ARHGAP44: variants seen among roughly 807,000 people sequenced by gnomAD.
ARHGAP44 encodes the protein Rho GTPase activating protein 44, also known as rho GTPase-activating protein 44.
A neutral mutation model predicts 106.8 loss-of-function variants in ARHGAP44; 43 were observed. That is an observed-to-expected ratio of 0.40 (90% CI 0.32 to 0.52). The LOEUF (loss-of-function observed/expected upper bound fraction) is 0.52, where lower values mean the gene tolerates loss of function less well. Among genes scored for constraint, ARHGAP44 ranks in the 20% least tolerant of loss-of-function variants. The probability of loss-of-function intolerance (pLI) is 0.48; values close to 1 mark genes in which losing one functional copy is unlikely to be tolerated. For synonymous variants in ARHGAP44, 439 were observed against 410.3 expected, an observed-to-expected ratio of 1.07 and a Z score of -0.85; for missense variants, 866 against 1,050.5, an observed-to-expected ratio of 0.82 and a Z score of 2.43.
At chr17:12,894,833 T>G in intron 1 of ARHGAP44, 107 bp from the exon 2 acceptor site, 1 of 993,820 alleles carries the variant, frequency 1.0e-6, no homozygotes, top group Non-Finnish European at 1.5e-6. Context: ...TTTCTACTAC[T>G]CATGTCTCTG....
intron 1 of ARHGAP44, among the ~76,000 whole-genome samples, chr17:12,861,558 C>T (rs751007132): frequency 1.3e-5 from 2 of 151,866 alleles, no homozygotes; most frequent in Non-Finnish European, 2.9e-5. Flanking sequence ...GCCAGTAGCA[C>T]TGGGTTGTGC....
chr17:12,939,136 C>T (rs954297722), intron 7 of ARHGAP44, among the ~76,000 whole-genome samples: 12 of 152,186 alleles, frequency 7.9e-5, no homozygotes, highest in African/African-American at 2.9e-4. Flanking sequence ...TGATTCCCAC[C>T]TTGGCAGCCT....
intron 18 of ARHGAP44, among the ~76,000 whole-genome samples, chr17:12,976,721 G>T (rs2039693002): frequency 1.3e-5 from 2 of 152,160 alleles, no homozygotes; most frequent in South Asian, 4.1e-4. Flanking sequence ...CCCTGGGCAT[G>T]CTGGGTTGCT....
chr17:12,983,760 C>T (rs950057440), intron 19 of ARHGAP44, among the ~76,000 whole-genome samples: 2 of 152,012 alleles, frequency 1.3e-5, no homozygotes, highest in African/African-American at 2.4e-5. Flanking sequence ...GCGGCGATCG[C>T]GCCATTGCAC....
intron 1 of ARHGAP44, among the ~76,000 whole-genome samples, chr17:12,844,602 G>C (rs953888441): frequency 6.6e-6 from 1 of 152,022 alleles, no homozygotes; most frequent in Admixed American, 6.6e-5. Context: ...CTGTTCTCTG[G>C]TTCTTTAAGA....
chr17:12,986,049 C>T (rs953652982), intron 20 of ARHGAP44: 3 of 152,206 alleles, frequency 2.0e-5, no homozygotes, highest in African/African-American at 4.8e-5. Flanking sequence ...GGTTCAGCTC[C>T]GTGCTGCCTT....
At chr17:12,937,546 G>A (rs2038584055) in intron 7 of ARHGAP44, among the ~76,000 whole-genome samples, 1 of 152,154 alleles carries the variant, frequency 6.6e-6, no homozygotes, top group Non-Finnish European at 1.5e-5. Context: ...TATAATTCTT[G>A]TGTTTGCCTG....
At chr17:12,976,545 G>A (rs138486963) in intron 18 of ARHGAP44, among the ~76,000 whole-genome samples, 1,844 of 151,092 alleles carry the variant, frequency 0.012, 32 homozygotes, top group African/African-American at 0.039. Context: ...CCCAGGAGGC[G>A]GAGGTTGCAG....
chr17:12,936,731 A>G (rs2038560511), intron 7 of ARHGAP44, among the ~76,000 whole-genome samples: 1 of 152,238 alleles, frequency 6.6e-6, no homozygotes, highest in South Asian at 2.1e-4. Context: ...GCCTGATCAT[A>G]TGGTGAGAGT....
In ARHGAP44 at chr17:12,895,210, A is replaced by G. The variant is rs558352189; in HGVS notation, c.93+231A>G. On this transcript the variant is annotated intron_variant, in intron 2 of 20. Coordinates refer to ENST00000379672, the MANE Select transcript of ARHGAP44 (RefSeq NM_014859.6). ...CTAAGCCATCCCTCGATGTGGTTAAAACTGCTCCAGCTGCTCCTTACGAAC... is the reference window on the plus strand; with the variant it reads ...CTAAGCCATCCCTCGATGTGGTTAAGACTGCTCCAGCTGCTCCTTACGAAC... 2.8e-4 allele frequency among the ~76,000 whole-genome samples: 43 copies of G among 152,276 alleles called. No homozygotes were observed. The East Asian group carries it at 2.9e-3, about 10-fold the overall frequency.
chr17:12,896,263 AAAAC>A lies in ARHGAP44; in HGVS notation c.94-132_94-129del, dbSNP rs560070808. ...CCTTAGAACTTAAAGTATAATTTAA[AAAAC>A]AAACAAACAAAAAAACAAAGCTGTC... On this transcript the variant is annotated intron_variant, in intron 2 of 20. Coordinates refer to ENST00000379672, the MANE Select transcript of ARHGAP44 (RefSeq NM_014859.6). 3,368 of 653,748 alleles carry A rather than the reference AAAAC, an allele frequency of 5.2e-3. 13 individuals carry two copies. The highest frequency in any genetic ancestry group is 6.8e-3 in the Non-Finnish European group (2,655 of 391,056). The allele number at this position is 653,748 out of a possible 1,614,324, so 40.5% of individuals were successfully genotyped here.
chr17:12,850,278 A>G (rs2035699887), intron 1 of ARHGAP44, among the ~76,000 whole-genome samples: 1 of 152,220 alleles, frequency 6.6e-6, no homozygotes, highest in African/African-American at 2.4e-5. Context: ...TCAGACTTTC[A>G]TAGTCACAAA....
Position 12,955,013 on chromosome 17 carries a change from T to G in ARHGAP44, c.1137-854T>G, listed in dbSNP as rs370160337. On this transcript the variant is annotated intron_variant, in intron 13 of 20. Transcript: ENST00000379672. ...AAATCCCCTTCCGATAAGCACTCCT[T>G]ATTTTCCCCAACCATGCCCCTAAGC... Among the ~76,000 whole-genome samples, 114 of 152,260 alleles carry G rather than the reference T, an allele frequency of 7.5e-4. 2 individuals carry two copies. The South Asian group carries it at 0.023, about 31-fold the overall frequency.
At chr17:12,851,991 T>C (rs1353853913) in intron 1 of ARHGAP44, among the ~76,000 whole-genome samples, 1 of 151,340 alleles carries the variant, frequency 6.6e-6, no homozygotes, top group African/African-American at 2.4e-5. Flanking sequence ...TTTATTTCGC[T>C]CTGGTTTGAA....
At position 12,937,534 on chromosome 17, in the gene ARHGAP44, G is replaced by A. The variant is rs1050762128; in HGVS notation, c.583-3522G>A. On this transcript the variant is annotated intron_variant, in intron 7 of 20. Coordinates refer to ENST00000379672, the MANE Select transcript of ARHGAP44 (RefSeq NM_014859.6). ...TGCTAGTATCTTTTTACTTCAGTGAGTTATAATTCTTGTGTTTGCCTGCCT... is the reference window on the plus strand; with the variant it reads ...TGCTAGTATCTTTTTACTTCAGTGAATTATAATTCTTGTGTTTGCCTGCCT... Among the ~76,000 whole-genome samples, 6 of 152,300 alleles carry A rather than the reference G, an allele frequency of 3.9e-5. No homozygotes were observed. The East Asian group carries it at 1.2e-3, about 29-fold the overall frequency.
At chr17:12,955,653 A>G (rs2039108294) in intron 13 of ARHGAP44, 2 of 481,792 alleles carry the variant, frequency 4.2e-6, no homozygotes, top group Non-Finnish European at 7.5e-6. Flanking sequence ...GCAGATGTCG[A>G]CACCTGACCC....
chr17:12,835,542 G>C (rs535744116), intron 1 of ARHGAP44, among the ~76,000 whole-genome samples: 1 of 152,180 alleles, frequency 6.6e-6, no homozygotes, highest in South Asian at 2.1e-4. Flanking sequence ...TTGTGATTTG[G>C]AGTTAATACT....
intron 1 of ARHGAP44, among the ~76,000 whole-genome samples, chr17:12,861,095 A>T (rs775139700): frequency 3.9e-5 from 6 of 152,034 alleles, no homozygotes; most frequent in Non-Finnish European, 7.4e-5. Flanking sequence ...GACTCAAATG[A>T]TCTGCCCACC....
intron 1 of ARHGAP44, among the ~76,000 whole-genome samples, chr17:12,841,629 C>CAAAAAAAAAA (rs2035403696): frequency 1.9e-5 from 2 of 107,824 alleles, no homozygotes; most frequent in African/African-American, 7.3e-5. Flanking sequence ...CACACACACA[C>CAAAAAAAAAA]ACACACACAC....
Sources: gnomAD v4.1 joint callset for allele counts (sites outside exome capture counted in the v4.1 genomes callset) on GRCh38, gnomAD v4.1.1 for gene constraint, MANE v1.5 for transcripts, NCBI Gene and HGNC (gene_info 2026-07-23, HGNC 2026-07-21) for gene names.